Variants in AKR1C3 observed in about 807,000 individuals in gnomAD.
AKR1C3 encodes the protein 3-alpha hydroxysteroid dehydrogenase, type II.
Under a neutral mutation model 43.6 loss-of-function variants are expected in AKR1C3, and 48 were observed. That is an observed-to-expected ratio of 1.10 (90% CI 0.87 to 1.40). The LOEUF (loss-of-function observed/expected upper bound fraction) is 1.40. AKR1C3 is among the 40% of genes most tolerant of loss of function. The pLI is 0.00. For missense variants in AKR1C3, 482 were observed against 391.2 expected, an observed-to-expected ratio of 1.23 and a Z score of -1.96; for synonymous variants, 162 against 139.6, an observed-to-expected ratio of 1.16 and a Z score of -1.13.
rs1838765422 is a variant in AKR1C3 at position 5,078,561 on chromosome 10, G to C, written c.85-17849G>C. The stretch of plus-strand genomic sequence containing the variant: ...AGAATTCTTGGGTCAAATGAAAAAA[G>C]GGTTAAATGCAAGGCAGGTCATCAG... On this transcript the variant is annotated intron_variant, in intron 1 of 8. Coordinates refer to the AKR1C3 transcript ENST00000439082. 3.9e-5 allele frequency among the ~76,000 whole-genome samples: 6 copies of C among 152,270 alleles called. No individual in the cohort carries two copies. In the South Asian group the frequency reaches 1.2e-3, roughly 32 times the overall value.
chr10:5,097,843 C>A, intron 3 of AKR1C3: 1 of 1,164,372 alleles, frequency 8.6e-7, no homozygotes. Context: ...TTGAGTCCAT[C>A]TCTTGGGATG....
intron 1 of AKR1C3, among the ~76,000 whole-genome samples, chr10:5,070,341 AAAAG>A (rs1469250625): frequency 6.6e-6 from 1 of 151,946 alleles, no homozygotes; most frequent in Non-Finnish European, 1.5e-5. Flanking sequence ...AAATGCACAA[AAAAG>A]CAAAGAAATA....
At chr10:5,105,717 G>A (rs2275928) in intron 8 of AKR1C3, 40 bp downstream of exon 8, 867,199 of 1,515,468 alleles carry the variant, frequency 0.57, 255,408 homozygotes, top group African/African-American at 0.64. Context: ...ATTTATTTCT[G>A]GAGAAGGAAT....
intron 1 of AKR1C3, among the ~76,000 whole-genome samples, chr10:5,053,570 G>T (rs1838199053): frequency 6.6e-6 from 1 of 152,244 alleles, no homozygotes; most frequent in Non-Finnish European, 1.5e-5. Flanking sequence ...TAGGCTGGAG[G>T]GCTGCTCAAG....
chr10:5,073,771 G>T (rs1325426864), intron 1 of AKR1C3, among the ~76,000 whole-genome samples: 1 of 151,956 alleles, frequency 6.6e-6, no homozygotes, highest in East Asian at 1.9e-4. Flanking sequence ...CCTCACCTTG[G>T]GTGCTTCTTG....
At chr10:5,072,447 A>C (rs1402083892) in intron 1 of AKR1C3, among the ~76,000 whole-genome samples, 2 of 152,182 alleles carry the variant, frequency 1.3e-5, no homozygotes, top group Non-Finnish European at 2.9e-5. Flanking sequence ...CTATTTTCTT[A>C]AGAAAAAAAT....
In AKR1C3 at chr10:5,102,542, A is replaced by G; in HGVS notation, c.738A>G (p.Lys246=). The G allele has an allele frequency of 1.3e-6, 2 of 1,576,370 alleles. No individual in the cohort carries two copies. The highest frequency in any genetic ancestry group is 2.3e-5 in the East Asian group (1 of 44,302). Residue 246 remains lysine (K), a synonymous_variant, in exon 7 of 9, where the codon AAA becomes AAG. Coordinates refer to ENST00000380554, the MANE Select transcript of AKR1C3 (RefSeq NM_003739.6). ...LEDPVLCALA[K]KHKRTPALIA... ...ACCCAGTCCTTTGTGCCTTGGCAAA[A>G]AAGCACAAGCGAACCCCAGCCCTGA...
rs1000402638 is a variant in AKR1C3, at chr10:5,097,907, T to G, written c.369+357T>G. The G allele has an allele frequency of 1.3e-5, 14 of 1,074,222 alleles. No homozygotes were observed. In the East Asian group the frequency reaches 1.3e-3, roughly 99 times the overall value. The allele number at this position is 1,074,222 out of a possible 1,614,324, so 66.5% of individuals were successfully genotyped here. A position where few individuals can be genotyped will look rare whatever the true frequency, so the allele number is the denominator to read the frequency against. On this transcript the variant is annotated intron_variant, in intron 3 of 8. Transcript: ENST00000380554. The stretch of plus-strand genomic sequence containing the variant: ...TGGTGCCCAATAAAACTGCTGCACA[T>G]GTGATGCACAATGAGTTTCCACCAT...
exon 1 of AKR1C3, chr10:5,048,818 T>C: frequency 6.2e-7 from 1 of 1,613,780 alleles, no homozygotes; most frequent in Non-Finnish European, 8.5e-7. Context: ...AGTGATGGAT[T>C]CAAAACATCA....
chr10:5,074,594 AC>A (rs1163111111), intron 1 of AKR1C3, among the ~76,000 whole-genome samples: 1 of 152,212 alleles, frequency 6.6e-6, no homozygotes, highest in Non-Finnish European at 1.5e-5. Flanking sequence ...GGTTTCATTG[AC>A]ATAGTGTGCA....
chr10:5,072,156 C>A (rs1246495112), intron 1 of AKR1C3, among the ~76,000 whole-genome samples: 3 of 152,160 alleles, frequency 2.0e-5, no homozygotes, highest in Non-Finnish European at 4.4e-5. Context: ...TATTGAGCAG[C>A]AATTTAAGTA....
intron 3 of AKR1C3, 52 bp from the exon 4 acceptor site, chr10:5,098,750 T>C: frequency 2.7e-6 from 4 of 1,472,014 alleles, no homozygotes; most frequent in Non-Finnish European, 3.8e-6. Context: ...GTTACAGCTA[T>C]GAGTGGAGAA....
chr10:5,090,181 C>A (rs531149411), upstream of AKR1C3, among the ~76,000 whole-genome samples: 1 of 152,138 alleles, frequency 6.6e-6, no homozygotes, highest in Admixed American at 6.6e-5. Context: ...GTGCCCTGAG[C>A]TTCCTATTCA....
chr10:5,093,860 CAAAG>C (rs1320193132), upstream of AKR1C3: 3 of 151,838 alleles, frequency 2.0e-5, no homozygotes, highest in Non-Finnish European at 4.4e-5. Flanking sequence ...TCTTACAACG[CAAAG>C]AAAGAAAAAT....
chr10:5,094,359 G>C (rs28943578), upstream of AKR1C3: 45 of 841,636 alleles, frequency 5.3e-5, no homozygotes, highest in Non-Finnish European at 6.7e-5. Flanking sequence ...TTGCAGGGGT[G>C]GGGGGAGGGG....
chr10:5,099,411 A>G lies in AKR1C3; in HGVS notation c.532A>G (p.Asn178Asp). Residue 178 changes from asparagine to aspartate, a missense_variant, in exon 5 of 9, where the codon AAC becomes GAC. Physicochemically the swap from Asn to Asp is conservative, Grantham distance 23. Transcript: ENST00000380554. ...FNRRQLEMIL[N>D]KPGLKYKPVC... ...CCGCAGGCAGCTGGAGATGATCCTC[A>G]ACAAGCCAGGACTCAAGTACAAGCC... is the stretch of plus-strand genomic sequence containing the variant. 1 of 1,614,174 alleles carries G rather than the reference A, an allele frequency of 6.2e-7. No individual in the cohort carries two copies. Among genetic ancestry groups the G allele is most frequent in the South Asian group, 1.1e-5 (1 of 91,088 alleles).
At chr10:5,075,556 A>C (rs1308991878) in intron 1 of AKR1C3, among the ~76,000 whole-genome samples, 1 of 152,044 alleles carries the variant, frequency 6.6e-6, no homozygotes, top group Non-Finnish European at 1.5e-5. Flanking sequence ...TTCCCAAGGG[A>C]ATTTGTCATG....
chr10:5,054,772 G>T (rs766131844), intron 1 of AKR1C3, among the ~76,000 whole-genome samples: 1 of 151,630 alleles, frequency 6.6e-6, no homozygotes, highest in African/African-American at 2.4e-5. Flanking sequence ...TTCTGTCTCT[G>T]TCTCTTCCCC....
intron 3 of AKR1C3, 129 bp downstream of exon 3, chr10:5,097,679 G>A (rs1403029014): frequency 6.4e-7 from 1 of 1,551,234 alleles, no homozygotes; most frequent in Non-Finnish European, 8.7e-7. Context: ...AACCGTAAGT[G>A]GAACACCTAA....
Sources: allele counts gnomAD v4.1 joint callset (sites outside exome capture counted in the v4.1 genomes callset), GRCh38; gene constraint gnomAD v4.1.1; transcripts MANE v1.5; gene names NCBI Gene and HGNC (gene_info 2026-07-23, HGNC 2026-07-21).